Variants in WDR59 observed in about 807,000 individuals in gnomAD.
WDR59 encodes WD repeat domain 59.
Under a neutral mutation model 131.2 loss-of-function variants are expected in WDR59, and 100 were observed. The ratio of observed to expected loss-of-function variants is 0.76; its 90% CI spans 0.65 to 0.90. WDR59 has a LOEUF of 0.90. WDR59 is among the 40% of genes least tolerant of loss of function. WDR59 has a pLI of 0.00. For synonymous variants in WDR59, 601 were observed against 466.2 expected (o/e 1.29, Z -3.72); for missense variants, 1,203 against 1,262.2 (o/e 0.95, Z 0.71).
intron 8 of WDR59, among the ~76,000 whole-genome samples, chr16:74,929,531 G>C (rs1440894323): frequency 6.6e-6 from 1 of 152,188 alleles, no homozygotes; most frequent in Non-Finnish European, 1.5e-5. Context: ...AGGCAATAAT[G>C]AACGCTGGCA....
At chr16:74,941,664 C>G (rs1470096030) in intron 7 of WDR59, among the ~76,000 whole-genome samples, 3 of 150,936 alleles carry the variant, frequency 2.0e-5, no homozygotes, top group Non-Finnish European at 4.4e-5. Context: ...TGTACTCCAG[C>G]CTGGACGACA....
In WDR59 at chr16:74,927,908, C is replaced by CTTT. The variant is rs539167503; in HGVS notation, c.652-3908_652-3906dup. On this transcript the variant is annotated intron_variant, in intron 8 of 25. Transcript: ENST00000262144. ...TTCCCCTTTTCTTTATTCTTTCTTTCTTTTTTTTTTTTTTTTTTGAGACGG... is the reference window on the plus strand; with the variant it reads ...TTCCCCTTTTCTTTATTCTTTCTTTCTTTTTTTTTTTTTTTTTTTTTGAGACGG... Among the ~76,000 whole-genome samples, 301 of 124,472 alleles carry CTTT rather than the reference C, an allele frequency of 2.4e-3. 8 individuals are homozygous for CTTT. The highest frequency in any genetic ancestry group is 0.013 in the East Asian group (57 of 4,234). 81.7% of individuals were successfully genotyped at this position (124,472 alleles called of 152,430 possible).
intron 4 of WDR59, 163 bp from the exon 5 acceptor site, chr16:74,949,961 A>T (rs1354500401): frequency 4.3e-6 from 3 of 705,476 alleles, no homozygotes; most frequent in Non-Finnish European, 7.7e-6. Context: ...GGGAACGAAC[A>T]TGAGTTTGGA....
intron 18 of WDR59, among the ~76,000 whole-genome samples, chr16:74,897,265 G>T (rs1481799214): frequency 6.6e-6 from 1 of 152,176 alleles, no homozygotes; most frequent in African/African-American, 2.4e-5. Flanking sequence ...AGCGGGGCAG[G>T]CCAGATTCAG....
intron 1 of WDR59, among the ~76,000 whole-genome samples, chr16:74,979,655 C>T (rs2034320614): frequency 6.6e-6 from 1 of 151,136 alleles, no homozygotes; most frequent in Admixed American, 6.6e-5. Context: ...ATTCTTCTGC[C>T]TCAGCCACCC....
At chr16:74,888,888 G>A (rs1964904256) in intron 21 of WDR59, among the ~76,000 whole-genome samples, 2 of 152,304 alleles carry the variant, frequency 1.3e-5, no homozygotes, top group East Asian at 1.9e-4. Flanking sequence ...TGTCCTTTCA[G>A]GAAGATTATG....
At chr16:74,928,550 C>T (rs139697128) in intron 8 of WDR59, among the ~76,000 whole-genome samples, 170 of 152,026 alleles carry the variant, frequency 1.1e-3, no homozygotes, top group African/African-American at 3.8e-3. Context: ...CCAGATTTAC[C>T]TTACGTGGGA....
chr16:74,981,643 TATATATATATA>T (rs1346072858), intron 1 of WDR59, among the ~76,000 whole-genome samples: 1,070 of 22,566 alleles, frequency 0.047, 126 homozygotes, highest in Middle Eastern at 0.15. Flanking sequence ...TATATATATA[TATATATATATA>T]TATATATTTT....
intron 11 of WDR59, among the ~76,000 whole-genome samples, chr16:74,917,031 C>A (rs1446304416): frequency 6.6e-6 from 1 of 152,136 alleles, no homozygotes; most frequent in Non-Finnish European, 1.5e-5. Context: ...TCATTCTGTG[C>A]AAAGCAATGT....
chr16:74,927,717 C>A (rs1336233844), intron 8 of WDR59, among the ~76,000 whole-genome samples: 6 of 146,418 alleles, frequency 4.1e-5, no homozygotes, highest in Non-Finnish European at 9.0e-5. Context: ...CACACACACA[C>A]AAAACTCAGC....
At chr16:74,968,664 G>A (rs866490553) in intron 1 of WDR59, among the ~76,000 whole-genome samples, 25 of 152,148 alleles carry the variant, frequency 1.6e-4, no homozygotes, top group Middle Eastern at 3.2e-3. Flanking sequence ...GAGGCTGCAT[G>A]CAGTAAGCTG....
At chr16:74,959,975 G>A (rs2033480927) in intron 2 of WDR59, among the ~76,000 whole-genome samples, 1 of 151,944 alleles carries the variant, frequency 6.6e-6, no homozygotes, top group Non-Finnish European at 1.5e-5. Flanking sequence ...AACAATAGTT[G>A]AAATTTTTTG....
At position 74,934,388 on chromosome 16, in the gene WDR59, G is replaced by A. The variant is rs1232000316; in HGVS notation, c.651+3762C>T. On this transcript the variant is annotated intron_variant, in intron 8 of 25. Transcript: ENST00000262144. ...ACTGGTGACAATTATACAATTTATG[G>A]GATTAATTAGAGGACCCTGGAGATT... 2.0e-5 allele frequency among the ~76,000 whole-genome samples: 3 copies of A among 151,878 alleles called. No homozygotes were observed. The East Asian group carries it at 5.8e-4, about 29-fold the overall frequency.
chr16:74,983,939 C>T (rs2034523998), intron 1 of WDR59, among the ~76,000 whole-genome samples: 2 of 152,112 alleles, frequency 1.3e-5, no homozygotes, highest in South Asian at 4.1e-4. Flanking sequence ...TGATTCACGC[C>T]TCTGCACTCA....
intron 5 of WDR59, among the ~76,000 whole-genome samples, 159 bp downstream of exon 5, chr16:74,949,559 T>G (rs1177160397): frequency 6.6e-6 from 1 of 152,050 alleles, no homozygotes; most frequent in African/African-American, 2.4e-5. Context: ...CCTACAACTG[T>G]GTCTTTCACT....
At chr16:74,875,339 CCT>C (rs1266863533) in intron 25 of WDR59, among the ~76,000 whole-genome samples, 1 of 152,208 alleles carries the variant, frequency 6.6e-6, no homozygotes, top group Non-Finnish European at 1.5e-5. Context: ...TTGCTTAAGT[CCT>C]CTGACTGCAG....
At chr16:74,964,426 C>T (rs1011939113) in intron 2 of WDR59, among the ~76,000 whole-genome samples, 2 of 151,290 alleles carry the variant, frequency 1.3e-5, no homozygotes, top group Admixed American at 1.3e-4. Flanking sequence ...GAGATACCAA[C>T]TTTCCCTTAT....
At chr16:74,943,815 C>A (rs961619176) in intron 6 of WDR59, among the ~76,000 whole-genome samples, 2 of 152,202 alleles carry the variant, frequency 1.3e-5, no homozygotes, top group Admixed American at 1.3e-4. Flanking sequence ...CAGAATCTAA[C>A]AGGACATACA....
chr16:74,938,146 T>G lies in WDR59; in HGVS notation c.651+4A>C. ...CCTCCAACTTCCCCATGGGTGCCAC[T>G]GACCTTCACAGAATTGTCTTGACTG... On this transcript the variant is annotated splice_donor_region_variant and intron_variant, in intron 8 of 25. Coordinates refer to ENST00000262144, the MANE Select transcript of WDR59 (RefSeq NM_030581.4). The G allele has an allele frequency of 1.3e-6, 2 of 1,523,926 alleles. No individual in the cohort carries two copies. The highest frequency in any genetic ancestry group is 1.8e-6 in the Non-Finnish European group (2 of 1,134,184). 94.4% of individuals were successfully genotyped at this position (1,523,926 alleles called of 1,614,324 possible). A position where few individuals can be genotyped will look rare whatever the true frequency, so the allele number is the denominator to read the frequency against.
Sources: gnomAD v4.1 joint callset for allele counts (sites outside exome capture counted in the v4.1 genomes callset) on GRCh38, gnomAD v4.1.1 for gene constraint, MANE v1.5 for transcripts, NCBI Gene and HGNC (gene_info 2026-07-23, HGNC 2026-07-21) for gene names.